GALNT13: variants seen among roughly 807,000 people sequenced by gnomAD.
GALNT13 encodes the protein polypeptide N-acetylgalactosaminyltransferase 13, also known as UDP-GalNAc:polypeptide N-acetylgalactosaminyltransferase 13.
Under a neutral mutation model 64.2 loss-of-function variants are expected in GALNT13, and 28 were observed. The ratio of observed to expected loss-of-function variants is 0.44; its 90% CI spans 0.32 to 0.60. The LOEUF (loss-of-function observed/expected upper bound fraction) is 0.60. Ranked by LOEUF, GALNT13 falls within the 20% of genes least tolerant of loss-of-function variation. The pLI, the probability that GALNT13 is intolerant of heterozygous loss-of-function variation, is 0.05. For missense variants in GALNT13, 577 were observed against 669.8 expected (o/e 0.86, Z 1.53); for synonymous variants, 214 against 224.6 (o/e 0.95, Z 0.42).
chr2:153,775,529 T>A, the GALNT13 span, among the ~76,000 whole-genome samples: 1 of 152,166 alleles, frequency 6.6e-6, no homozygotes, highest in Non-Finnish European at 1.5e-5. Context: ...TCATGCAAAC[T>A]ATTCTCTTAC....
the GALNT13 span, among the ~76,000 whole-genome samples, chr2:153,681,914 A>C: frequency 6.6e-6 from 1 of 151,872 alleles, no homozygotes; most frequent in East Asian, 1.9e-4. Flanking sequence ...ACTATCACTC[A>C]ATACTCAGTT....
intron 8 of GALNT13, among the ~76,000 whole-genome samples, chr2:154,280,359 A>G (rs763475224): frequency 1.1e-4 from 16 of 152,256 alleles, no homozygotes; most frequent in Non-Finnish European, 2.2e-4. Flanking sequence ...TGTGCTTGAC[A>G]ACACACAAAG....
the GALNT13 span, among the ~76,000 whole-genome samples, chr2:153,334,298 T>C: frequency 6.6e-6 from 1 of 152,186 alleles, no homozygotes; most frequent in Non-Finnish European, 1.5e-5. Context: ...GTATAGATCA[T>C]TGTGTCAAAG....
intron 3 of GALNT13, among the ~76,000 whole-genome samples, chr2:154,043,239 C>T (rs1574398885): frequency 6.6e-6 from 1 of 151,256 alleles, no homozygotes; most frequent in Non-Finnish European, 1.5e-5. Context: ...TGTGCTGGTC[C>T]ATATTAGTAG....
chr2:153,102,722 CTCT>C, the GALNT13 span, among the ~76,000 whole-genome samples: 1 of 152,130 alleles, frequency 6.6e-6, no homozygotes, highest in East Asian at 1.9e-4. Context: ...TCAAGTTTAC[CTCT>C]TCAAGTTAAG....
the GALNT13 span, among the ~76,000 whole-genome samples, chr2:153,552,262 G>C: frequency 6.6e-6 from 1 of 152,140 alleles, no homozygotes; most frequent in Non-Finnish European, 1.5e-5. Context: ...ACTCTTCTGA[G>C]GAGATTTGCT....
At chr2:153,568,782 T>C in the GALNT13 span, among the ~76,000 whole-genome samples, 1 of 152,152 alleles carries the variant, frequency 6.6e-6, no homozygotes, top group Middle Eastern at 3.2e-3. Flanking sequence ...CATACATACC[T>C]CCCGAAAGTT....
the GALNT13 span, among the ~76,000 whole-genome samples, chr2:153,839,066 G>A: frequency 1.4e-4 from 21 of 151,406 alleles, no homozygotes; most frequent in African/African-American, 5.1e-4. Context: ...TATCTTTTGG[G>A]TAGTGTGTTG....
the GALNT13 span, among the ~76,000 whole-genome samples, chr2:153,293,077 A>T: frequency 6.6e-6 from 1 of 151,758 alleles, no homozygotes; most frequent in East Asian, 1.9e-4. Context: ...ATCCATTTTC[A>T]TCCAGGCATT....
chr2:153,681,659 T>G, the GALNT13 span, among the ~76,000 whole-genome samples: 1 of 151,790 alleles, frequency 6.6e-6, no homozygotes, highest in Non-Finnish European at 1.5e-5. Flanking sequence ...TTCTTCCCCT[T>G]TATCACTCAT....
chr2:153,822,088 A>T, the GALNT13 span, among the ~76,000 whole-genome samples: 1 of 152,182 alleles, frequency 6.6e-6, no homozygotes, highest in Non-Finnish European at 1.5e-5. Context: ...AATCAGTAAC[A>T]AAATAAAACA....
At chr2:154,073,754 A>G (rs909404671) in intron 3 of GALNT13, among the ~76,000 whole-genome samples, 2 of 152,018 alleles carry the variant, frequency 1.3e-5, no homozygotes, top group South Asian at 4.1e-4. Flanking sequence ...AGGAACTATT[A>G]CTTGCTGAGT....
intron 9 of GALNT13, among the ~76,000 whole-genome samples, chr2:154,317,005 G>T (rs1050063027): frequency 3.3e-5 from 5 of 152,106 alleles, no homozygotes; most frequent in Non-Finnish European, 5.9e-5. Context: ...TTGAGGTCAG[G>T]AATTCAAGAG....
At chr2:153,792,349 C>T in the GALNT13 span, among the ~76,000 whole-genome samples, 1 of 151,934 alleles carries the variant, frequency 6.6e-6, no homozygotes, top group African/African-American at 2.4e-5. Flanking sequence ...ATAGGATTTA[C>T]ATTGTTTTAT....
chr2:153,941,367 A>G (rs1002285631), intron 2 of GALNT13, among the ~76,000 whole-genome samples: 1 of 152,176 alleles, frequency 6.6e-6, no homozygotes, highest in African/African-American at 2.4e-5. Context: ...AACATAGACA[A>G]TCTTGCTGAT....
chr2:153,776,632 G>T, the GALNT13 span, among the ~76,000 whole-genome samples: 1 of 151,970 alleles, frequency 6.6e-6, no homozygotes, highest in Admixed American at 6.6e-5. Context: ...AAAGATTTTT[G>T]AACTAACTAC....
chr2:154,152,625 C>T (rs1264951400), intron 4 of GALNT13, among the ~76,000 whole-genome samples: 1 of 152,074 alleles, frequency 6.6e-6, no homozygotes, highest in East Asian at 1.9e-4. Context: ...AGGCTTTGTT[C>T]ATTTCTTTTT....
chr2:153,169,119 A>C, the GALNT13 span, among the ~76,000 whole-genome samples: 1 of 152,364 alleles, frequency 6.6e-6, no homozygotes, highest in African/African-American at 2.4e-5. Context: ...GCAGCTATCA[A>C]CTAAACACAA....
the GALNT13 span, among the ~76,000 whole-genome samples, chr2:153,701,827 A>G: frequency 6.6e-6 from 1 of 152,208 alleles, no homozygotes; most frequent in Admixed American, 6.5e-5. Flanking sequence ...AAGTCAAGAA[A>G]CAAAAGATGC....
Sources: gnomAD v4.1 joint callset for allele counts (sites outside exome capture counted in the v4.1 genomes callset) on GRCh38, gnomAD v4.1.1 for gene constraint, MANE v1.5 for transcripts, NCBI Gene and HGNC (gene_info 2026-07-23, HGNC 2026-07-21) for gene names.